Variants in PLCL1 observed in about 807,000 individuals in gnomAD.
PLCL1 encodes the protein phospholipase C like 1 (inactive).
Under a neutral mutation model 84.4 loss-of-function variants are expected in PLCL1, and 41 were observed. That is an observed-to-expected ratio of 0.49 (90% CI 0.38 to 0.63). PLCL1 has a LOEUF of 0.63. Among genes scored for constraint, PLCL1 ranks in the 30% least tolerant of loss-of-function variants. PLCL1 has a pLI of 0.00. For missense variants in PLCL1, 1,206 were observed against 1,367.8 expected (o/e 0.88, Z 1.87); for synonymous variants, 490 against 488.3 (o/e 1.00, Z -0.05).
At chr2:197,906,242 G>T (rs992764406) in intron 1 of PLCL1, among the ~76,000 whole-genome samples, 1 of 151,864 alleles carries the variant, frequency 6.6e-6, no homozygotes, top group African/African-American at 2.4e-5. Flanking sequence ...TAATTTTTGT[G>T]TAAGGTGTAA....
chr2:198,014,504 TC>T (rs946700730), intron 1 of PLCL1, among the ~76,000 whole-genome samples: 134 of 152,248 alleles, frequency 8.8e-4, no homozygotes, highest in African/African-American at 3.0e-3. Flanking sequence ...AAGTAATTAG[TC>T]CAGTGCCTGG....
rs1437210278 is a variant in PLCL1, at chr2:197,852,662, T to G, written c.240+47323T>G. ...ATAGATGCCAGTCACTGCTAATTAA[T>G]GTTATAATTCTAAGATGCTGGCGGG... On this transcript the variant is annotated intron_variant, in intron 1 of 5. Coordinates refer to ENST00000428675, the MANE Select transcript of PLCL1 (RefSeq NM_006226.4). 1.3e-5 allele frequency among the ~76,000 whole-genome samples: 2 copies of G among 152,174 alleles called. 1 individual carries two copies. Among genetic ancestry groups the G allele is most frequent in the Admixed American group, 1.3e-4 (2 of 15,274 alleles).
chr2:197,995,651 G>A (rs1244275047), intron 1 of PLCL1, among the ~76,000 whole-genome samples: 1 of 152,142 alleles, frequency 6.6e-6, no homozygotes, highest in Non-Finnish European at 1.5e-5. Flanking sequence ...CATTTGAGCA[G>A]TCAACAATCT....
At chr2:198,115,230 G>A (rs987600758) in intron 5 of PLCL1, among the ~76,000 whole-genome samples, 2 of 151,822 alleles carry the variant, frequency 1.3e-5, no homozygotes, top group Non-Finnish European at 2.9e-5. Flanking sequence ...AAGGGGAAGA[G>A]AGAAGCCTAA....
At chr2:197,920,103 C>G (rs1338199828) in intron 1 of PLCL1, among the ~76,000 whole-genome samples, 4 of 151,966 alleles carry the variant, frequency 2.6e-5, no homozygotes, top group African/African-American at 9.7e-5. Flanking sequence ...TATTGTTTAT[C>G]CATTGGTCTT....
chr2:198,058,852 CAG>C (rs1365683771), intron 1 of PLCL1, among the ~76,000 whole-genome samples: 1 of 151,992 alleles, frequency 6.6e-6, no homozygotes, highest in East Asian at 1.9e-4. Flanking sequence ...AGGCTGAAGA[CAG>C]AATTAAAATT....
intron 1 of PLCL1, among the ~76,000 whole-genome samples, chr2:197,818,686 G>T (rs1351144772): frequency 2.0e-5 from 3 of 152,074 alleles, no homozygotes; most frequent in African/African-American, 7.2e-5. Context: ...ACTCTTAAGT[G>T]TAAGATTGGA....
intron 1 of PLCL1, among the ~76,000 whole-genome samples, chr2:197,836,595 TC>T (rs1318706898): frequency 1.3e-5 from 2 of 152,188 alleles, no homozygotes; most frequent in Non-Finnish European, 2.9e-5. Flanking sequence ...AAACAGGTCT[TC>T]TGTATTCCAG....
intron 1 of PLCL1, among the ~76,000 whole-genome samples, chr2:197,848,061 C>A (rs1219379490): frequency 1.3e-5 from 2 of 152,182 alleles, no homozygotes; most frequent in Admixed American, 1.3e-4. Context: ...AGAACCCATA[C>A]TATAGAATGA....
chr2:197,939,056 G>A (rs537779093), intron 1 of PLCL1, among the ~76,000 whole-genome samples: 1 of 152,170 alleles, frequency 6.6e-6, no homozygotes, highest in Non-Finnish European at 1.5e-5. Flanking sequence ...AATGGGGGTG[G>A]TGGTGAGAAG....
intron 5 of PLCL1, among the ~76,000 whole-genome samples, chr2:198,131,227 A>G (rs1004771491): frequency 6.6e-6 from 1 of 152,130 alleles, no homozygotes; most frequent in Non-Finnish European, 1.5e-5. Context: ...TTCACACTGC[A>G]TGGGGCACTG....
chr2:198,101,196 T>C (rs1574312660), intron 3 of PLCL1, 89 bp from the exon 4 acceptor site: 1 of 761,742 alleles, frequency 1.3e-6, no homozygotes, highest in African/African-American at 1.8e-5. Flanking sequence ...TTACTGGAGG[T>C]ATCATGTGGG....
chr2:197,833,993 G>A (rs1338053430), intron 1 of PLCL1, among the ~76,000 whole-genome samples: 1 of 152,122 alleles, frequency 6.6e-6, no homozygotes, highest in African/African-American at 2.4e-5. Flanking sequence ...ACAGAACAGA[G>A]GCCTCAGAAA....
At chr2:197,870,493 T>C (rs1346321848) in intron 1 of PLCL1, among the ~76,000 whole-genome samples, 1 of 151,378 alleles carries the variant, frequency 6.6e-6, no homozygotes, top group Admixed American at 6.6e-5. Flanking sequence ...TTAACTATTC[T>C]TCCTGGGTGA....
chr2:198,014,313 C>T (rs1261271654), intron 1 of PLCL1, among the ~76,000 whole-genome samples: 1 of 152,074 alleles, frequency 6.6e-6, no homozygotes, highest in African/African-American at 2.4e-5. Context: ...AAGAGCCTAA[C>T]TTTGGCTCAA....
Position 197,805,336 on chromosome 2 carries a change from C to G in PLCL1, c.237C>G (p.Ile79Met). 7.5e-7 allele frequency: 1 copy of G among 1,329,694 alleles called. No individual in the cohort carries two copies. Among genetic ancestry groups the G allele is most frequent in the Non-Finnish European group, 9.6e-7 (1 of 1,046,040 alleles). 82.4% of individuals were successfully genotyped at this position (1,329,694 alleles called of 1,614,324 possible). ...CGACCCCCCGGCGCAGCAGCATCAT[C>G]AAGGTAAGCAAAGCCGCGCCGCACC... ...ARATPRRSSI[I>M]KDPSNQKCGG... Residue 79 changes from isoleucine to methionine, a missense_variant, in exon 1 of 6, where the codon ATC becomes ATG. Physicochemically the swap from Ile to Met is conservative, Grantham distance 10. Transcript: ENST00000428675. This position sits in a 1 kb window ranked among gnomAD's most constrained non-coding sequence, Gnocchi z 4.0.
chr2:198,134,084 ATATGGATGC>A (rs1443538681), intron 5 of PLCL1, among the ~76,000 whole-genome samples: 1 of 152,156 alleles, frequency 6.6e-6, no homozygotes, highest in Admixed American at 6.6e-5. Flanking sequence ...AAATTGGGAA[ATATGGATGC>A]TACTCATTCA....
intron 5 of PLCL1, among the ~76,000 whole-genome samples, chr2:198,126,539 C>T (rs1693989344): frequency 6.6e-6 from 1 of 152,134 alleles, no homozygotes; most frequent in South Asian, 2.1e-4. Context: ...GCGCTGAGCT[C>T]ATAACCATGA....
chr2:197,916,595 A>C (rs1688604369), intron 1 of PLCL1, among the ~76,000 whole-genome samples: 1 of 151,980 alleles, frequency 6.6e-6, no homozygotes, highest in Non-Finnish European at 1.5e-5. Flanking sequence ...CATCATCTTC[A>C]TTACCAGCAG....
Sources: allele counts gnomAD v4.1 joint callset (sites outside exome capture counted in the v4.1 genomes callset), GRCh38; gene constraint gnomAD v4.1.1; non-coding constraint Gnocchi (gnomAD v3.1); transcripts MANE v1.5; gene names NCBI Gene and HGNC (gene_info 2026-07-23, HGNC 2026-07-21).